ADAMTSL1: variants seen among roughly 807,000 people sequenced by gnomAD.
ADAMTSL1 encodes ADAMTS like 1.
In ADAMTSL1, 126 loss-of-function variants were observed where a neutral mutation model predicts 201.8. That is an observed-to-expected ratio of 0.62 (90% CI 0.54 to 0.72). ADAMTSL1 has a LOEUF of 0.72. Among genes scored for constraint, ADAMTSL1 ranks in the 30% least tolerant of loss-of-function variants. ADAMTSL1 has a pLI of 0.00. For synonymous variants in ADAMTSL1, 1,121 were observed against 903.4 expected (o/e 1.24, Z -4.32); for missense variants, 2,679 against 2,277.8 (o/e 1.18, Z -3.59).
intron 1 of ADAMTSL1, among the ~76,000 whole-genome samples, chr9:17,976,154 G>T (rs190055984): frequency 9.9e-5 from 15 of 152,176 alleles, no homozygotes; most frequent in Non-Finnish European, 2.9e-5. Flanking sequence ...AAATCAGGAA[G>T]TGTGATGCTT....
At chr9:18,284,650 C>T (rs1489651535) in intron 2 of ADAMTSL1, among the ~76,000 whole-genome samples, 1 of 152,176 alleles carries the variant, frequency 6.6e-6, no homozygotes. Context: ...CCTATGTGAT[C>T]ATGTTGAATT....
intron 1 of ADAMTSL1, among the ~76,000 whole-genome samples, chr9:18,074,941 G>A (rs1823149437): frequency 6.6e-6 from 1 of 152,112 alleles, no homozygotes; most frequent in Admixed American, 6.6e-5. Context: ...TCATCAGCCA[G>A]GCAGAACAAA....
At chr9:18,316,687 G>A (rs1834409494) in intron 2 of ADAMTSL1, among the ~76,000 whole-genome samples, 1 of 152,098 alleles carries the variant, frequency 6.6e-6, no homozygotes, top group Admixed American at 6.5e-5. Context: ...AATTTATGCA[G>A]TTAATGCAAT....
chr9:18,510,713 C>T (rs1178081826), intron 2 of ADAMTSL1, among the ~76,000 whole-genome samples: 1 of 151,710 alleles, frequency 6.6e-6, no homozygotes, highest in East Asian at 1.9e-4. Flanking sequence ...GTAACTTTTA[C>T]TAATCTAGTA....
chr9:18,176,876 A>C (rs1036900332), intron 2 of ADAMTSL1, among the ~76,000 whole-genome samples: 2 of 152,204 alleles, frequency 1.3e-5, no homozygotes, highest in Non-Finnish European at 2.9e-5. Context: ...TCATCCTGTT[A>C]ATAGGAAAAT....
chr9:18,876,329 T>TGTGTGTGTGTGTGTGTGTGC (rs901063156), intron 23 of ADAMTSL1, among the ~76,000 whole-genome samples: 32 of 151,244 alleles, frequency 2.1e-4, no homozygotes, highest in African/African-American at 7.3e-4. Context: ...TGTGTGTGTG[T>TGTGTGTGTGTGTGTGTGTGC]GCGTGATTGT....
intron 16 of ADAMTSL1, 23 bp from the exon 17 acceptor site, chr9:18,770,579 T>G: frequency 1.3e-6 from 2 of 1,593,238 alleles, no homozygotes; most frequent in African/African-American, 2.7e-5. Context: ...TACTTTTTCT[T>G]CTTTCCTTCT....
rs573656838 is a variant in ADAMTSL1, at chr9:17,912,827, G to A, written c.87+5905G>A. 8.0e-4 allele frequency among the ~76,000 whole-genome samples: 116 copies of A among 145,690 alleles called. 2 individuals are homozygous for A. In the South Asian group the frequency reaches 0.021, roughly 26 times the overall value. ...GGGTTTTTATGGTTTTAGGTCTAAC[G>A]TTTAAGTCTTTAATCATCTTGAATT... On this transcript the variant is annotated intron_variant, in intron 1 of 29. Transcript: ENST00000680146.
chr9:18,549,351 G>A (rs1042525031), intron 3 of ADAMTSL1, among the ~76,000 whole-genome samples: 16 of 152,010 alleles, frequency 1.1e-4, no homozygotes, highest in Non-Finnish European at 1.3e-4. Context: ...AACTGTCAGT[G>A]TAGAATTTTG....
At chr9:18,830,966 T>C (rs1445715602) in intron 23 of ADAMTSL1, among the ~76,000 whole-genome samples, 2 of 152,226 alleles carry the variant, frequency 1.3e-5, no homozygotes, top group African/African-American at 4.8e-5. Context: ...TGTATTCTTT[T>C]ACCCACCAAC....
intron 1 of ADAMTSL1, among the ~76,000 whole-genome samples, chr9:18,137,592 C>G (rs949168650): frequency 8.6e-5 from 13 of 152,022 alleles, no homozygotes; most frequent in African/African-American, 2.9e-4. Flanking sequence ...TATGGCTCTG[C>G]AATAGACGAA....
At chr9:18,890,846 G>C (rs952378443) in intron 25 of ADAMTSL1, 3 of 306,898 alleles carry the variant, frequency 9.8e-6, no homozygotes, top group Non-Finnish European at 1.9e-5. Context: ...GCCAAGCTGT[G>C]CAAAATGAAG....
chr9:18,134,140 C>G (rs1587128874), intron 1 of ADAMTSL1, among the ~76,000 whole-genome samples: 1 of 152,162 alleles, frequency 6.6e-6, no homozygotes, highest in African/African-American at 2.4e-5. Flanking sequence ...CAGTGCAATT[C>G]TGGTCATTTA....
intron 23 of ADAMTSL1, among the ~76,000 whole-genome samples, chr9:18,858,776 A>G (rs1827024266): frequency 6.6e-6 from 1 of 152,140 alleles, no homozygotes; most frequent in Non-Finnish European, 1.5e-5. Flanking sequence ...TGAATAAGAG[A>G]ATGCTGTCAT....
intron 1 of ADAMTSL1, among the ~76,000 whole-genome samples, chr9:18,502,776 G>A (rs980069945): frequency 6.6e-6 from 1 of 152,138 alleles, no homozygotes; most frequent in Admixed American, 6.5e-5. Context: ...AGGTCGTACT[G>A]TGGGAAAGTC....
chr9:18,017,917 T>C (rs1820325733), intron 1 of ADAMTSL1, among the ~76,000 whole-genome samples: 1 of 152,076 alleles, frequency 6.6e-6, no homozygotes. Context: ...AATGCACATG[T>C]AATGTCAGGC....
intron 2 of ADAMTSL1, among the ~76,000 whole-genome samples, chr9:18,341,076 G>A (rs17201892): frequency 0.081 from 12,326 of 152,066 alleles, 685 homozygotes; most frequent in Non-Finnish European, 0.12. Context: ...TTTCAGCATC[G>A]CAGCCTGGCT....
intron 13 of ADAMTSL1, among the ~76,000 whole-genome samples, chr9:18,696,977 T>C (rs1831596803): frequency 6.6e-6 from 1 of 151,486 alleles, no homozygotes; most frequent in Non-Finnish European, 1.5e-5. Context: ...CCTCCCGGGT[T>C]CAAGTCATTC....
intron 2 of ADAMTSL1, among the ~76,000 whole-genome samples, chr9:18,289,172 T>TCTATCTATCTATCTACCTAC (rs1554650791): frequency 2.2e-5 from 3 of 138,194 alleles, no homozygotes; most frequent in African/African-American, 8.0e-5. Flanking sequence ...TATCTATCTA[T>TCTATCTATCTATCTACCTAC]CTACCTACCT....
Sources: gnomAD v4.1 joint callset for allele counts (sites outside exome capture counted in the v4.1 genomes callset) on GRCh38, gnomAD v4.1.1 for gene constraint, MANE v1.5 for transcripts, NCBI Gene and HGNC (gene_info 2026-07-23, HGNC 2026-07-21) for gene names.